The following SAMMSON variants were observed in gnomAD, a reference collection of about 807,000 sequenced individuals.
The protein encoded by SAMMSON is long intergenic non-protein coding RNA 1212.
intron 4 of SAMMSON, among the ~76,000 whole-genome samples, chr3:70,142,342 A>T (rs1164351549): frequency 6.6e-6 from 1 of 152,236 alleles, no homozygotes; most frequent in Non-Finnish European, 1.5e-5. Flanking sequence ...TATATGATGG[A>T]ATACTACTCA....
At chr3:70,275,226 A>G (rs1702012041) in intron 6 of SAMMSON, among the ~76,000 whole-genome samples, 1 of 152,212 alleles carries the variant, frequency 6.6e-6, no homozygotes, top group African/African-American at 2.4e-5. Flanking sequence ...ATGATGATTA[A>G]GAATACAGGA....
chr3:70,056,721 A>G (rs867072841), intron 3 of SAMMSON, among the ~76,000 whole-genome samples: 2 of 152,034 alleles, frequency 1.3e-5, no homozygotes, highest in East Asian at 3.9e-4. Flanking sequence ...GTTAAAATAC[A>G]GTGGTATTTA....
chr3:70,389,249 T>C (rs1701020958), intron 9 of SAMMSON, among the ~76,000 whole-genome samples: 1 of 152,090 alleles, frequency 6.6e-6, no homozygotes, highest in Non-Finnish European at 1.5e-5. Flanking sequence ...ATAGCAAAAG[T>C]AAACGGACTA....
At chr3:70,410,610 C>T (rs1186888231) in intron 2 of SAMMSON, among the ~76,000 whole-genome samples, 1 of 151,946 alleles carries the variant, frequency 6.6e-6, no homozygotes, top group Non-Finnish European at 1.5e-5. Flanking sequence ...TTTTTAAAAC[C>T]TTCATTATGG....
chr3:70,358,698 C>T (rs1327159790), intron 9 of SAMMSON, among the ~76,000 whole-genome samples: 4 of 151,914 alleles, frequency 2.6e-5, no homozygotes, highest in Non-Finnish European at 5.9e-5. Flanking sequence ...CTTGTGAAAA[C>T]TGAAGCCAAC....
intron 7 of SAMMSON, among the ~76,000 whole-genome samples, chr3:70,309,353 G>A (rs1004919023): frequency 5.9e-5 from 9 of 152,024 alleles, no homozygotes; most frequent in Admixed American, 3.3e-4. Context: ...ACTATAAAAA[G>A]CATTGTTGCT....
In SAMMSON at chr3:70,434,494, C is replaced by G. The variant is rs764352505; in HGVS notation, n.234-28066C>G. 1.9e-4 allele frequency among the ~76,000 whole-genome samples: 29 copies of G among 152,224 alleles called. 1 individual carries two copies. The highest frequency in any genetic ancestry group is 6.2e-4 in the South Asian group (3 of 4,812). ...ATTCCCTGCAAACTTGCTGTAATCACTTATTAGTTCCAGGAAGTTTTTTGT... is the reference window on the plus strand; with the variant it reads ...ATTCCCTGCAAACTTGCTGTAATCAGTTATTAGTTCCAGGAAGTTTTTTGT... On this transcript the variant is annotated intron_variant and non_coding_transcript_variant, in intron 2 of 3. Transcript: ENST00000641053.
chr3:70,313,908 A>T (rs1428296450), intron 7 of SAMMSON, among the ~76,000 whole-genome samples: 1 of 152,190 alleles, frequency 6.6e-6, no homozygotes, highest in South Asian at 2.1e-4. Flanking sequence ...ACTGGGGCCC[A>T]CAAAGTTTTA....
intron 4 of SAMMSON, among the ~76,000 whole-genome samples, chr3:70,213,490 T>C: frequency 6.6e-6 from 1 of 152,156 alleles, no homozygotes; most frequent in Non-Finnish European, 1.5e-5. Flanking sequence ...GGATTTAAAC[T>C]ATACTCCAGC....
chr3:70,251,539 G>C (rs750948079), intron 6 of SAMMSON, among the ~76,000 whole-genome samples: 1 of 152,172 alleles, frequency 6.6e-6, no homozygotes, highest in African/African-American at 2.4e-5. Flanking sequence ...CTGGCCTCAT[G>C]ATGGTGGAGT....
chr3:70,204,900 A>T (rs1374558954), intron 4 of SAMMSON: 1 of 152,110 alleles, frequency 6.6e-6, no homozygotes, highest in African/African-American at 2.4e-5. Flanking sequence ...TATTCACATG[A>T]TGAGTAGCAT....
intron 9 of SAMMSON, among the ~76,000 whole-genome samples, chr3:70,380,917 C>T (rs533499317): frequency 6.6e-6 from 1 of 152,226 alleles, no homozygotes; most frequent in South Asian, 2.1e-4. Context: ...TGTATATGTG[C>T]CACATTTTCT....
intron 2 of SAMMSON, among the ~76,000 whole-genome samples, chr3:70,406,066 CA>C (rs917986723): frequency 5.3e-5 from 8 of 151,714 alleles, no homozygotes; most frequent in Admixed American, 1.3e-4. Flanking sequence ...TCTCATCACA[CA>C]AAAAAAATGT....
At chr3:70,179,713 G>T (rs1701035996) in intron 4 of SAMMSON, among the ~76,000 whole-genome samples, 1 of 152,142 alleles carries the variant, frequency 6.6e-6, no homozygotes, top group Non-Finnish European at 1.5e-5. Flanking sequence ...AGAGTTGGAA[G>T]AGAACTTAAG....
At chr3:70,179,363 C>T (rs916563532) in intron 4 of SAMMSON, among the ~76,000 whole-genome samples, 2 of 152,164 alleles carry the variant, frequency 1.3e-5, no homozygotes, top group African/African-American at 4.8e-5. Context: ...TTGTTGAATG[C>T]GTGTTAGGTG....
chr3:70,163,321 A>G (rs1361484003), intron 4 of SAMMSON, among the ~76,000 whole-genome samples: 1 of 147,548 alleles, frequency 6.8e-6, no homozygotes, highest in Non-Finnish European at 1.5e-5. Flanking sequence ...CTATATATAT[A>G]TTATCTATCC....
At chr3:70,340,636 T>C (rs866635367) in intron 7 of SAMMSON, among the ~76,000 whole-genome samples, 22 of 152,196 alleles carry the variant, frequency 1.4e-4, no homozygotes, top group Admixed American at 5.9e-4. Context: ...CAGTAAAACC[T>C]CTGGACATTG....
intron 4 of SAMMSON, among the ~76,000 whole-genome samples, chr3:70,090,999 T>A (rs1227667852): frequency 6.6e-6 from 1 of 152,178 alleles, no homozygotes; most frequent in African/African-American, 2.4e-5. Flanking sequence ...GCTTGACATG[T>A]AAGTGGGACT....
At position 70,080,691 on chromosome 3, in the gene SAMMSON, C is replaced by T. The variant is rs116314530; in HGVS notation, n.507+9126C>T. On this transcript the variant is annotated intron_variant and non_coding_transcript_variant, in intron 4 of 9. Transcript: ENST00000642114. ...TACATAATTCTCCAATCCCTGACTCCGTTTTTTTTTTTTTAACCAAATAAT... is the reference window on the plus strand; with the variant it reads ...TACATAATTCTCCAATCCCTGACTCTGTTTTTTTTTTTTTAACCAAATAAT... 2.2e-3 allele frequency among the ~76,000 whole-genome samples: 328 copies of T among 150,156 alleles called. 1 individual carries two copies. Among genetic ancestry groups the T allele is most frequent in the African/African-American group, 7.4e-3 (298 of 40,134 alleles).
Sources: allele counts gnomAD v4.1 joint callset (sites outside exome capture counted in the v4.1 genomes callset), GRCh38; gene constraint gnomAD v4.1.1; transcripts MANE v1.5; gene names NCBI Gene and HGNC (gene_info 2026-07-23, HGNC 2026-07-21).